DIP2B: variants seen among roughly 807,000 people sequenced by gnomAD.
The protein encoded by DIP2B is disco-interacting protein 2 homolog B.
In DIP2B, 76 loss-of-function variants were observed where a neutral mutation model predicts 198.0. The ratio of observed to expected loss-of-function variants is 0.38; its 90% CI spans 0.32 to 0.46. DIP2B has a LOEUF of 0.46. DIP2B is among the 20% of genes least tolerant of loss of function. The probability of loss-of-function intolerance (pLI) is 0.99; values close to 1 mark genes in which losing one functional copy is unlikely to be tolerated. For synonymous variants in DIP2B, 701 were observed against 739.1 expected (o/e 0.95, Z 0.84); for missense variants, 1,559 against 1,978.4 (o/e 0.79, Z 4.02).
At chr12:50,543,134 A>G (rs1958341317) in intron 1 of DIP2B, among the ~76,000 whole-genome samples, 1 of 152,110 alleles carries the variant, frequency 6.6e-6, no homozygotes, top group Non-Finnish European at 1.5e-5. Flanking sequence ...TCAGCTTCCC[A>G]AAGTGATGGG....
At chr12:50,525,624 C>T (rs1459813396) in intron 1 of DIP2B, among the ~76,000 whole-genome samples, 2 of 151,666 alleles carry the variant, frequency 1.3e-5, no homozygotes, top group Non-Finnish European at 2.9e-5. Context: ...GAGATCCTCC[C>T]ACCTCAGCCT....
intron 1 of DIP2B, among the ~76,000 whole-genome samples, chr12:50,538,156 T>G (rs752075231): frequency 6.6e-6 from 1 of 152,084 alleles, no homozygotes; most frequent in Non-Finnish European, 1.5e-5. Context: ...GATCTCTGGA[T>G]GTGTGGAAGA....
intron 1 of DIP2B, among the ~76,000 whole-genome samples, chr12:50,553,019 A>G (rs1176371962): frequency 6.6e-6 from 1 of 152,076 alleles, no homozygotes; most frequent in Admixed American, 6.6e-5. Flanking sequence ...CATTCTTATT[A>G]GAGACGGGGT....
intron 1 of DIP2B, among the ~76,000 whole-genome samples, chr12:50,566,778 GC>G (rs1958567183): frequency 6.6e-6 from 1 of 151,956 alleles, no homozygotes; most frequent in Non-Finnish European, 1.5e-5. Context: ...GACCATCCTG[GC>G]TAACACGGTG....
chr12:50,583,298 C>T (rs1283188000), intron 1 of DIP2B, among the ~76,000 whole-genome samples: 1 of 150,348 alleles, frequency 6.7e-6, no homozygotes, highest in East Asian at 2.2e-4. Flanking sequence ...ACCACATCTA[C>T]ACGTTTTTTT....
At chr12:50,733,336 G>T (rs1352349716) in intron 32 of DIP2B, among the ~76,000 whole-genome samples, 5 of 150,650 alleles carry the variant, frequency 3.3e-5, no homozygotes, top group Admixed American at 2.0e-4. Flanking sequence ...ATTCTTGATG[G>T]GTAAATAACA....
rs891184937 is a variant in DIP2B at position 50,695,282 on chromosome 12, A to T, written c.1735A>T (p.Met579Leu). Residue 579 changes from methionine (M) to leucine (L), a missense_variant, in exon 15 of 38, where the codon ATG (methionine) becomes TTG (leucine). Met to Leu is a conservative substitution (Grantham distance 15, BLOSUM62 2). Transcript: ENST00000301180. Reference sequence around the variant, plus strand: ...TGTTTTTCAGAATGTAATGAATAAGATGCACACAATCAGCGTACCCTACTC... The same window carrying T: ...TGTTTTTCAGAATGTAATGAATAAGTTGCACACAATCAGCGTACCCTACTC... Reference protein sequence around the residue: ...HGMFANVMNKMHTISVPYSVM... With the variant: ...HGMFANVMNKLHTISVPYSVM... 4 of 1,613,660 alleles carry T rather than the reference A, an allele frequency of 2.5e-6. No homozygotes were observed. The highest frequency in any genetic ancestry group is 2.7e-5 in the African/African-American group (2 of 74,906).
intron 1 of DIP2B, among the ~76,000 whole-genome samples, chr12:50,576,775 C>G (rs1356561826): frequency 1.3e-5 from 2 of 152,126 alleles, no homozygotes; most frequent in East Asian, 3.9e-4. Context: ...GCTACCGCGC[C>G]CAGCCGGTCT....
In DIP2B at chr12:50,732,551, A is replaced by C; in HGVS notation, c.3981+15A>C. Reference sequence around the variant, plus strand: ...TATGTTTACAGGTGACCCTCATGAAATCTTGTCTGTTGACAAATGGGAGAG... The same window carrying C: ...TATGTTTACAGGTGACCCTCATGAACTCTTGTCTGTTGACAAATGGGAGAG... On this transcript the variant is annotated intron_variant, in intron 32 of 37. Coordinates refer to ENST00000301180, the MANE Select transcript of DIP2B (RefSeq NM_173602.3). 1 of 1,613,658 alleles carries C rather than the reference A, an allele frequency of 6.2e-7. No individual in the cohort carries two copies. Among genetic ancestry groups the C allele is most frequent in the Non-Finnish European group, 8.5e-7 (1 of 1,179,928 alleles).
At chr12:50,528,403 C>A (rs1390576771) in intron 1 of DIP2B, among the ~76,000 whole-genome samples, 1 of 151,268 alleles carries the variant, frequency 6.6e-6, no homozygotes, top group East Asian at 1.9e-4. Context: ...GAGTTCAAGA[C>A]CAGCCTGGGC....
chr12:50,622,587 A>G (rs1477185797), intron 1 of DIP2B, among the ~76,000 whole-genome samples: 1 of 152,186 alleles, frequency 6.6e-6, no homozygotes, highest in Non-Finnish European at 1.5e-5. Context: ...ACAGAAAAAA[A>G]TTTTACATGT....
At position 50,737,014 on chromosome 12, in the gene DIP2B, G is replaced by T. The variant is rs1198361268; in HGVS notation, c.4102-22G>T. 1.9e-6 allele frequency: 3 copies of T among 1,610,792 alleles called. No individual in the cohort carries two copies. The African/African-American group carries it at 4.0e-5, about 22-fold the overall frequency. ...TTAGATTTCACTGAACTCAATCTTT[G>T]TATTTTCCCTTTGATTCTTAGATTT... On this transcript the variant is annotated intron_variant, in intron 34 of 37. Coordinates refer to ENST00000301180, the MANE Select transcript of DIP2B (RefSeq NM_173602.3).
At chr12:50,717,610 G>A (rs543945797) in intron 23 of DIP2B, among the ~76,000 whole-genome samples, 63 of 151,442 alleles carry the variant, frequency 4.2e-4, no homozygotes, top group African/African-American at 1.4e-3. Context: ...CTTGTGATCC[G>A]CCCGCCTCGG....
intron 3 of DIP2B, among the ~76,000 whole-genome samples, chr12:50,647,166 C>G (rs1593684087): frequency 6.6e-6 from 1 of 152,236 alleles, no homozygotes; most frequent in East Asian, 1.9e-4. Flanking sequence ...GATCCTCCCT[C>G]CTTAGCTCGA....
At chr12:50,713,015 T>C (rs1565879452) in intron 22 of DIP2B, among the ~76,000 whole-genome samples, 2 of 152,234 alleles carry the variant, frequency 1.3e-5, no homozygotes, top group African/African-American at 4.8e-5. Flanking sequence ...TAGAGAAGTG[T>C]GATTACGAAT....
intron 1 of DIP2B, among the ~76,000 whole-genome samples, chr12:50,543,954 G>A (rs947002537): frequency 1.3e-5 from 2 of 149,772 alleles, no homozygotes; most frequent in East Asian, 4.0e-4. Flanking sequence ...AGGAGGCTGG[G>A]CATGGTGGCT....
At chr12:50,551,358 G>T (rs1958425613) in intron 1 of DIP2B, among the ~76,000 whole-genome samples, 1 of 152,124 alleles carries the variant, frequency 6.6e-6, no homozygotes, top group African/African-American at 2.4e-5. Context: ...GGGAGGCAGA[G>T]GTTGCAGTGA....
chr12:50,561,209 A>G (rs1189138914), intron 1 of DIP2B, among the ~76,000 whole-genome samples: 1 of 152,068 alleles, frequency 6.6e-6, no homozygotes, highest in African/African-American at 2.4e-5. Flanking sequence ...ATTTCTATGG[A>G]TCATTCTTCA....
At chr12:50,665,471 C>G (rs575902100) in intron 4 of DIP2B, among the ~76,000 whole-genome samples, 1 of 151,990 alleles carries the variant, frequency 6.6e-6, no homozygotes, top group Non-Finnish European at 1.5e-5. Flanking sequence ...ACTTTATAGC[C>G]GCGACTCATG....
Sources: allele counts gnomAD v4.1 joint callset (sites outside exome capture counted in the v4.1 genomes callset), GRCh38; gene constraint gnomAD v4.1.1; transcripts MANE v1.5; gene names NCBI Gene and HGNC (gene_info 2026-07-23, HGNC 2026-07-21).